CTNNBL1: variants seen among roughly 807,000 people sequenced by gnomAD.
The protein encoded by CTNNBL1 is catenin beta like 1.
CTNNBL1 carries 31 observed loss-of-function variants against 72.7 expected under a neutral mutation model. That is an observed-to-expected ratio of 0.43 (90% CI 0.32 to 0.58). The LOEUF (loss-of-function observed/expected upper bound fraction) is 0.58, where lower values mean the gene tolerates loss of function less well. Among genes scored for constraint, CTNNBL1 ranks in the 20% least tolerant of loss-of-function variants. The pLI is 0.08. For missense variants in CTNNBL1, 534 were observed against 725.1 expected (o/e 0.74, Z 3.03); for synonymous variants, 240 against 267.3 (o/e 0.90, Z 1.00).
At chr20:37,857,818 G>C (rs4811233) in intron 13 of CTNNBL1, among the ~76,000 whole-genome samples, 109,070 of 152,158 alleles carry the variant, frequency 0.72, 39,323 homozygotes, top group East Asian at 0.83. Context: ...TATTGAGCAC[G>C]TGCCTTCTTA....
rs1164789421 is a variant in CTNNBL1 at position 37,694,083 on chromosome 20, G to C, written c.-40G>C. 3 of 1,598,592 alleles carry C rather than the reference G, an allele frequency of 1.9e-6. No homozygotes were observed. Among genetic ancestry groups the C allele is most frequent in the East Asian group, 2.3e-5 (1 of 43,250 alleles). On this transcript the variant is annotated 5_prime_UTR_variant, in exon 1 of 16. Transcript: ENST00000361383. ...CGGCTGACGGGCCCGCGGTCTGGGC[G>C]TGAGTGCAGGGAAGTGGAGTATTTG...
At chr20:37,833,591 C>T (rs1230231168) in intron 11 of CTNNBL1, among the ~76,000 whole-genome samples, 1 of 152,062 alleles carries the variant, frequency 6.6e-6, no homozygotes, top group Non-Finnish European at 1.5e-5. Flanking sequence ...TGCGTGTGTA[C>T]ATGCATGTGT....
chr20:37,838,623 C>T (rs1358213630), intron 11 of CTNNBL1, among the ~76,000 whole-genome samples: 1 of 152,182 alleles, frequency 6.6e-6, no homozygotes, highest in Non-Finnish European at 1.5e-5. Flanking sequence ...CACAGTGGCT[C>T]ACACCTGTAA....
Position 37,842,437 on chromosome 20 carries a change from A to G in CTNNBL1, c.1392+18A>G. On this transcript the variant is annotated intron_variant, in intron 13 of 15. Transcript: ENST00000361383. ...AAAAACACGTATGTATCCCTGCCTC[A>G]CTTTTGCCAGCTATTGACTTGCCCT... The G allele has an allele frequency of 1.3e-6, 2 of 1,592,742 alleles. No homozygotes were observed. The highest frequency in any genetic ancestry group is 1.1e-5 in the South Asian group (1 of 90,624).
At chr20:37,792,486 T>G (rs1275237339) in intron 10 of CTNNBL1, among the ~76,000 whole-genome samples, 2 of 152,196 alleles carry the variant, frequency 1.3e-5, no homozygotes, top group Non-Finnish European at 2.9e-5. Flanking sequence ...TAATCTTCAT[T>G]ATTTATTTTC....
chr20:37,792,597 G>T (rs1159983043), intron 10 of CTNNBL1, among the ~76,000 whole-genome samples: 1 of 152,084 alleles, frequency 6.6e-6, no homozygotes, highest in African/African-American at 2.4e-5. Context: ...GGAAATGCTC[G>T]TTGGAGCATT....
At chr20:37,703,256 C>A (rs1422253677) in intron 1 of CTNNBL1, among the ~76,000 whole-genome samples, 1 of 152,180 alleles carries the variant, frequency 6.6e-6, no homozygotes, top group Non-Finnish European at 1.5e-5. Flanking sequence ...AACTAAACTG[C>A]ACACTTAATT....
intron 5 of CTNNBL1, among the ~76,000 whole-genome samples, chr20:37,758,398 C>T (rs923429712): frequency 1.3e-5 from 2 of 152,304 alleles, no homozygotes; most frequent in East Asian, 3.9e-4. Flanking sequence ...TGACCAGGTG[C>T]CAGCTAGGCA....
intron 15 of CTNNBL1, among the ~76,000 whole-genome samples, chr20:37,865,882 G>A (rs1261833321): frequency 6.6e-6 from 1 of 152,240 alleles, no homozygotes; most frequent in East Asian, 1.9e-4. Context: ...AATGCTTTTA[G>A]AATTTGGCCC....
chr20:37,792,703 C>T (rs2073736366), intron 10 of CTNNBL1, among the ~76,000 whole-genome samples: 1 of 152,066 alleles, frequency 6.6e-6, no homozygotes, highest in Non-Finnish European at 1.5e-5. Flanking sequence ...ACTACTTGTT[C>T]CAAGCATTTC....
At chr20:37,701,867 C>T (rs6012856) in intron 1 of CTNNBL1, among the ~76,000 whole-genome samples, 3 of 145,816 alleles carry the variant, frequency 2.1e-5, no homozygotes, top group East Asian at 2.0e-4. Context: ...ATCTCAGCTG[C>T]AGATGTGTGG....
intron 10 of CTNNBL1, among the ~76,000 whole-genome samples, chr20:37,794,907 A>G (rs2073758785): frequency 6.6e-6 from 1 of 151,864 alleles, no homozygotes; most frequent in Non-Finnish European, 1.5e-5. Context: ...TAGTTGCTCC[A>G]CTGGCATCTG....
chr20:37,702,801 G>C (rs2072855330), intron 1 of CTNNBL1, among the ~76,000 whole-genome samples: 1 of 152,142 alleles, frequency 6.6e-6, no homozygotes, highest in African/African-American at 2.4e-5. Context: ...TGTAGACTTA[G>C]AGGCAAGGAC....
chr20:37,870,096 T>G (rs1009072898), intron 15 of CTNNBL1, among the ~76,000 whole-genome samples: 1 of 151,692 alleles, frequency 6.6e-6, no homozygotes, highest in Non-Finnish European at 1.5e-5. Flanking sequence ...AGGATCACTG[T>G]GCTGGGACAA....
intron 4 of CTNNBL1, among the ~76,000 whole-genome samples, chr20:37,748,753 T>G (rs1356924998): frequency 6.6e-6 from 1 of 152,212 alleles, no homozygotes; most frequent in Non-Finnish European, 1.5e-5. Context: ...CACTGCGTCC[T>G]CACATGGTGG....
chr20:37,799,812 C>A (rs147280791), intron 10 of CTNNBL1, among the ~76,000 whole-genome samples: 49 of 152,240 alleles, frequency 3.2e-4, no homozygotes, highest in African/African-American at 9.6e-4. Flanking sequence ...GATTGATCCA[C>A]AAGGGAAATA....
At chr20:37,784,124 AT>A (rs2073651001) in intron 10 of CTNNBL1, among the ~76,000 whole-genome samples, 1 of 151,928 alleles carries the variant, frequency 6.6e-6, no homozygotes, top group South Asian at 2.1e-4. Context: ...TCTTGGTCTA[AT>A]TTTTGTCTTG....
chr20:37,829,582 C>T (rs1032707153), intron 11 of CTNNBL1, among the ~76,000 whole-genome samples: 4 of 152,296 alleles, frequency 2.6e-5, no homozygotes, highest in African/African-American at 9.6e-5. Context: ...TTCCTTCCCT[C>T]CTGCGACATT....
intron 10 of CTNNBL1, among the ~76,000 whole-genome samples, chr20:37,794,022 A>C (rs1355137732): frequency 6.6e-6 from 1 of 151,286 alleles, no homozygotes; most frequent in East Asian, 2.0e-4. Context: ...CTTGTGATCC[A>C]CCTGCCTTGG....
Sources: gnomAD v4.1 joint callset for allele counts (sites outside exome capture counted in the v4.1 genomes callset) on GRCh38, gnomAD v4.1.1 for gene constraint, MANE v1.5 for transcripts, NCBI Gene and HGNC (gene_info 2026-07-23, HGNC 2026-07-21) for gene names.